ADGRA1: variants seen among roughly 807,000 people sequenced by gnomAD.
The protein encoded by ADGRA1 is G-protein coupled receptor 123.
ADGRA1 carries 12 observed loss-of-function variants against 21.3 expected under a neutral mutation model. The ratio of observed to expected loss-of-function variants is 0.56; its 90% confidence interval spans 0.36 to 0.91. The LOEUF (loss-of-function observed/expected upper bound fraction) is 0.91. Among genes scored for constraint, ADGRA1 ranks in the 40% least tolerant of loss-of-function variants. ADGRA1 has a pLI of 0.01. For synonymous variants in ADGRA1, 385 were observed against 368.8 expected (o/e 1.04, Z -0.50); for missense variants, 790 against 805.6 (o/e 0.98, Z 0.23).
chr10:133,093,839 A>T (rs142095431), intron 2 of ADGRA1, among the ~76,000 whole-genome samples: 166 of 152,374 alleles, frequency 1.1e-3, no homozygotes, highest in African/African-American at 3.3e-3. Context: ...CTTGCAAAGA[A>T]GAATCGGTGC....
Position 133,126,236 on chromosome 10 carries a change from G to A in ADGRA1, c.402-997G>A, listed in dbSNP as rs187570003. Among the ~76,000 whole-genome samples the A allele has an allele frequency of 2.2e-3, 340 of 152,320 alleles. 1 individual carries two copies. Among genetic ancestry groups the A allele is most frequent in the Middle Eastern group, 6.8e-3 (2 of 294 alleles). ...TGTCCTGAAGTACAGGTCGATACAC[G>A]GAAAATGCTGTTAGTTTTATTTTTA... On this transcript the variant is annotated intron_variant, in intron 5 of 6. Transcript: ENST00000392607.
intron 4 of ADGRA1, among the ~76,000 whole-genome samples, chr10:133,100,361 T>C (rs562105581): frequency 6.6e-6 from 1 of 152,330 alleles, no homozygotes; most frequent in South Asian, 2.1e-4. Context: ...GCCGTCACCA[T>C]CACGTCTGCA....
chr10:133,129,456 C>T lies in ADGRA1; in HGVS notation c.1628C>T (p.Thr543Ile). 1 of 1,600,898 alleles carries T rather than the reference C, an allele frequency of 6.2e-7. No homozygotes were observed. Among genetic ancestry groups the T allele is most frequent in the South Asian group, 1.1e-5 (1 of 91,072 alleles). ...GKLLEGLPFG[T>I]DGTGNIRTGP... ...TTGCTAGAAGGCCTGCCGTTTGGCA[C>T]CGACGGGACCGGCAACATCCGAACG... The change falls in exon 7 of 7, where the codon ACC becomes ATC. Residue 543 changes from threonine to isoleucine, a missense_variant. Coordinates refer to ENST00000392607, the MANE Select transcript of ADGRA1 (RefSeq NM_001083909.3).
intron 4 of ADGRA1, chr10:133,102,356 G>A (rs766107668): frequency 3.7e-5 from 19 of 519,752 alleles, no homozygotes; most frequent in East Asian, 1.6e-4. Context: ...CTCAGGGGAC[G>A]TTGGTCTGCA....
At chr10:133,105,735 G>A (rs1851882285) in intron 5 of ADGRA1, among the ~76,000 whole-genome samples, 1 of 152,216 alleles carries the variant, frequency 6.6e-6, no homozygotes, top group African/African-American at 2.4e-5. Context: ...CAACTCTGCA[G>A]GGATTGGACT....
chr10:133,123,549 T>C (rs1852315712), intron 5 of ADGRA1, among the ~76,000 whole-genome samples: 1 of 152,310 alleles, frequency 6.6e-6, no homozygotes, highest in African/African-American at 2.4e-5. Flanking sequence ...TAGCTGGGGT[T>C]CACCGCACAG....
Position 133,128,698 on chromosome 10 carries a change from G to A in ADGRA1, c.870G>A (p.Leu290=), listed in dbSNP as rs757527461. ...TCCTGGACATGGTCTTCAGCTGCCTGTACGGCGCCTTCTGCGTGACCCTGG... is the reference window on the plus strand; with the variant it reads ...TCCTGGACATGGTCTTCAGCTGCCTATACGGCGCCTTCTGCGTGACCCTGG... ...GHFLDMVFSC[L]YGAFCVTLGL... The change falls in exon 7 of 7, where the codon CTG becomes CTA. Residue 290 remains leucine (L), a synonymous_variant. Transcript: ENST00000392607. The A allele has an allele frequency of 1.2e-6, 2 of 1,612,014 alleles. No homozygotes were observed. The highest frequency in any genetic ancestry group is 1.7e-6 in the Non-Finnish European group (2 of 1,179,636).
intron 2 of ADGRA1, among the ~76,000 whole-genome samples, chr10:133,091,982 G>A (rs951155572): frequency 7.2e-5 from 11 of 152,318 alleles, no homozygotes; most frequent in African/African-American, 1.4e-4. Flanking sequence ...TGTGAAGTCC[G>A]CCCTGAAGAG....
intron 5 of ADGRA1, among the ~76,000 whole-genome samples, chr10:133,122,813 ATCCCCAGGCACACGCG>A (rs565919682): frequency 0.025 from 3,542 of 142,256 alleles, 98 homozygotes; most frequent in African/African-American, 0.068. Context: ...AGGCACACGC[ATCCCCAGGCACACGCG>A]TCCCCAGGCA....
rs1564849799 is a variant in ADGRA1, at chr10:133,112,014, CACA to C, written c.401+9173_401+9175del. Among the ~76,000 whole-genome samples, 123 of 127,646 alleles carry C rather than the reference CACA, an allele frequency of 9.6e-4. 25 individuals are homozygous for C. Among genetic ancestry groups the C allele is most frequent in the African/African-American group, 1.5e-3 (47 of 31,776 alleles). The allele number at this position is 127,646 out of a possible 152,430, so 83.7% of individuals were successfully genotyped here. A position where few individuals can be genotyped will look rare whatever the true frequency, so the allele number is the denominator to read the frequency against. On this transcript the variant is annotated intron_variant, in intron 5 of 6. Transcript: ENST00000392607. Reference sequence around the variant, plus strand: ...TAATGCCTCCAGACCACCTGCCCACCACAGACACCTCCCTCCTAATGCCTCCAG... The same window carrying C: ...TAATGCCTCCAGACCACCTGCCCACCGACACCTCCCTCCTAATGCCTCCAG...
chr10:133,095,013 T>A (rs965718488), intron 2 of ADGRA1, among the ~76,000 whole-genome samples: 1 of 152,152 alleles, frequency 6.6e-6, no homozygotes, highest in Non-Finnish European at 1.5e-5. Context: ...ACAACCAGCC[T>A]GGCACCGCCC....
chr10:133,129,240 G>A lies in ADGRA1; in HGVS notation c.1412G>A (p.Cys471Tyr). Residue 471 changes from cysteine to tyrosine, a missense_variant, in exon 7 of 7, where the codon TGC becomes TAC. Transcript: ENST00000392607. ...CCGGCGGGGACACACACGCTGGCCTGCTGCACCCAGGGCGACCCCTTCCCC... is the reference window on the plus strand; with the variant it reads ...CCGGCGGGGACACACACGCTGGCCTACTGCACCCAGGGCGACCCCTTCCCC... ...DGPAGTHTLA[C>Y]CTQGDPFPMV... 1 of 1,549,688 alleles carries A rather than the reference G, an allele frequency of 6.5e-7. No homozygotes were observed. The highest frequency in any genetic ancestry group is 8.7e-7 in the Non-Finnish European group (1 of 1,146,920).
chr10:133,093,129 G>A (rs1267498137), intron 2 of ADGRA1: 2 of 1,594,260 alleles, frequency 1.3e-6, no homozygotes, highest in South Asian at 2.2e-5. Context: ...AGGAAAGAAG[G>A]TTCCTCAGCC....
intron 5 of ADGRA1, among the ~76,000 whole-genome samples, chr10:133,104,855 G>A (rs1474243953): frequency 1.3e-5 from 2 of 152,060 alleles, no homozygotes; most frequent in African/African-American, 4.8e-5. Flanking sequence ...CCGTGGCTGG[G>A]CCTGGGGCTG....
At chr10:133,103,461 G>A (rs1851835940) in intron 5 of ADGRA1, among the ~76,000 whole-genome samples, 1 of 152,218 alleles carries the variant, frequency 6.6e-6, no homozygotes, top group Admixed American at 6.5e-5. Context: ...CCGGTTGCTG[G>A]GATGGGACAC....
chr10:133,098,816 G>A (rs1420194053), intron 4 of ADGRA1, 53 bp downstream of exon 4: 21 of 1,568,742 alleles, frequency 1.3e-5, no homozygotes, highest in South Asian at 4.6e-5. Context: ...CTGCGTGAGC[G>A]TCGTCTTGTT....
intron 3 of ADGRA1, among the ~76,000 whole-genome samples, chr10:133,097,349 C>A (rs142895695): frequency 6.6e-6 from 1 of 152,348 alleles, no homozygotes; most frequent in East Asian, 1.9e-4. Context: ...TTCTCCACGG[C>A]ATCCCCCGTG....
At chr10:133,090,057 C>T (rs1851572421) in intron 2 of ADGRA1, among the ~76,000 whole-genome samples, 1 of 152,272 alleles carries the variant, frequency 6.6e-6, no homozygotes. Flanking sequence ...AATTGAGACC[C>T]TTATTTGCAA....
intron 5 of ADGRA1, among the ~76,000 whole-genome samples, chr10:133,120,228 A>G (rs1022670227): frequency 6.6e-6 from 1 of 152,140 alleles, no homozygotes; most frequent in Admixed American, 6.5e-5. Flanking sequence ...AGATGGCAAA[A>G]CCCAGTCTCA....
Sources: gnomAD v4.1 joint callset for allele counts (sites outside exome capture counted in the v4.1 genomes callset) on GRCh38, gnomAD v4.1.1 for gene constraint, MANE v1.5 for transcripts, NCBI Gene and HGNC (gene_info 2026-07-23, HGNC 2026-07-21) for gene names.